The following KLF12 variants were observed in gnomAD, a reference collection of about 807,000 sequenced individuals.
KLF12 encodes the protein KLF transcription factor 12, also known as Krueppel-like factor 12.
Under a neutral mutation model 37.8 loss-of-function variants are expected in KLF12, and 9 were observed. That is an observed-to-expected ratio of 0.24 (90% CI 0.14 to 0.42). The LOEUF (loss-of-function observed/expected upper bound fraction) is 0.42. Among genes scored for constraint, KLF12 ranks in the 10% least tolerant of loss-of-function variants. KLF12 has a pLI of 1.00. For missense variants in KLF12, 411 were observed against 516.0 expected (o/e 0.80, Z 1.97); for synonymous variants, 208 against 202.1 (o/e 1.03, Z -0.25).
At chr13:74,134,814 A>G (rs1214867883), upstream of KLF12, among the ~76,000 whole-genome samples, 1 of 151,818 alleles carries the variant, frequency 6.6e-6, no homozygotes, top group Non-Finnish European at 1.5e-5. Context: ...AAAAGCGTGC[A>G]GCCCGCTTGG....
At chr13:73,878,609 T>A (rs1886828223) in intron 3 of KLF12, among the ~76,000 whole-genome samples, 2 of 152,144 alleles carry the variant, frequency 1.3e-5, no homozygotes, top group African/African-American at 4.8e-5. Flanking sequence ...ACTTCTCTAG[T>A]GACATAAGAT....
intron 2 of KLF12, chr13:73,962,140 T>C (rs1593785872): frequency 2.8e-6 from 1 of 352,236 alleles, no homozygotes; most frequent in South Asian, 2.3e-5. Flanking sequence ...TAATCAGCAA[T>C]AGAAAGAAAT....
At chr13:73,995,150 C>T (rs1283794487) in intron 1 of KLF12, 97 bp from the exon 2 acceptor site, 15 of 752,520 alleles carry the variant, frequency 2.0e-5, no homozygotes, top group Non-Finnish European at 3.4e-5. Context: ...TTCTACAGTT[C>T]CTTAAGCTCG....
the KLF12 span, among the ~76,000 whole-genome samples, chr13:74,150,787 G>C: frequency 0.012 from 1,839 of 152,212 alleles, 46 homozygotes; most frequent in African/African-American, 0.042. Flanking sequence ...AGGGACACAA[G>C]GGGGGCAGAG....
At chr13:74,196,036 G>A in the KLF12 span, among the ~76,000 whole-genome samples, 1 of 152,178 alleles carries the variant, frequency 6.6e-6, no homozygotes, top group Admixed American at 6.5e-5. Flanking sequence ...TGTTACTCTT[G>A]ATATGCATGC....
the KLF12 span, among the ~76,000 whole-genome samples, chr13:74,181,439 T>C: frequency 6.7e-6 from 1 of 149,912 alleles, no homozygotes; most frequent in African/African-American, 2.4e-5. Context: ...TCCCAACACT[T>C]TGGGAGGCGG....
intron 3 of KLF12, among the ~76,000 whole-genome samples, chr13:73,913,384 C>G (rs774752051): frequency 6.6e-6 from 1 of 152,210 alleles, no homozygotes; most frequent in Non-Finnish European, 1.5e-5. Context: ...GCTACAGGAA[C>G]GAGGGCTAGT....
the KLF12 span, among the ~76,000 whole-genome samples, chr13:74,262,859 A>ATG: frequency 6.6e-6 from 1 of 152,178 alleles, no homozygotes; most frequent in African/African-American, 2.4e-5. Flanking sequence ...ACACATATAT[A>ATG]TATGTATATA....
chr13:74,149,837 T>C, the KLF12 span, among the ~76,000 whole-genome samples: 1 of 152,168 alleles, frequency 6.6e-6, no homozygotes. Context: ...GGCCTCCTTG[T>C]TGTTCTGAAC....
chr13:74,098,474 T>C (rs1876111240), intron 1 of KLF12, among the ~76,000 whole-genome samples: 2 of 152,214 alleles, frequency 1.3e-5, no homozygotes, highest in African/African-American at 4.8e-5. Flanking sequence ...TTCAGGTTCC[T>C]ACCTCTACAG....
chr13:74,257,791 G>C, the KLF12 span: 2 of 152,118 alleles, frequency 1.3e-5, no homozygotes, highest in East Asian at 1.9e-4. Context: ...GGGCAACATT[G>C]GTTGTCTTTG....
In KLF12 at chr13:73,806,950, A is replaced by G. The variant is rs531887963; in HGVS notation, c.806+6202T>C. Among the ~76,000 whole-genome samples the G allele has an allele frequency of 1.3e-4, 20 of 152,136 alleles. 1 individual carries two copies. Among genetic ancestry groups the G allele is most frequent in the Non-Finnish European group, 1.2e-4 (8 of 68,036 alleles). ...GTGCAAGGAGTTTAAAACAAGAAAA[A>G]TAAATAACAAAAAAAAACCCTTAGA... On this transcript the variant is annotated intron_variant, in intron 5 of 7. Transcript: ENST00000377669.
chr13:74,180,222 G>A, the KLF12 span, among the ~76,000 whole-genome samples: 2 of 152,142 alleles, frequency 1.3e-5, no homozygotes, highest in Admixed American at 1.3e-4. Context: ...TAGACAAAAA[G>A]CCTTAACAAA....
At chr13:74,041,640 G>A (rs1474007369) in intron 1 of KLF12, among the ~76,000 whole-genome samples, 1 of 150,878 alleles carries the variant, frequency 6.6e-6, no homozygotes, top group African/African-American at 2.4e-5. Flanking sequence ...CGTAATGAAA[G>A]AGAAATTAAA....
chr13:74,174,842 G>A, the KLF12 span, among the ~76,000 whole-genome samples: 1 of 152,134 alleles, frequency 6.6e-6, no homozygotes, highest in African/African-American at 2.4e-5. Flanking sequence ...CTAGAATAAG[G>A]AACCAAATCT....
At chr13:73,966,409 A>G (rs1004409088) in intron 2 of KLF12, among the ~76,000 whole-genome samples, 3 of 152,208 alleles carry the variant, frequency 2.0e-5, no homozygotes, top group African/African-American at 4.8e-5. Context: ...AAGTTTAGAG[A>G]AAAAAATGCC....
rs1401418629 is a variant in KLF12 at position 73,687,350 on chromosome 13, A to G, written c.*8140T>C. The G allele has an allele frequency of 1.3e-5, 2 of 152,682 alleles. No homozygotes were observed. The highest frequency in any genetic ancestry group is 2.9e-5 in the Non-Finnish European group (2 of 68,046). The allele number at this position is 152,682 out of a possible 1,614,324, so 9.5% of individuals were successfully genotyped here. On this transcript the variant is annotated 3_prime_UTR_variant, in exon 8 of 8. Transcript: ENST00000377669. ...TACAGTCACTACCCCACAGGGGGAC[A>G]GTGATTTTTCAAAATGAAGCTTTAA... is the stretch of plus-strand genomic sequence containing the variant.
intron 3 of KLF12, among the ~76,000 whole-genome samples, chr13:73,939,681 C>A (rs1165414600): frequency 6.6e-6 from 1 of 152,214 alleles, no homozygotes; most frequent in East Asian, 1.9e-4. Context: ...TCAGTACCCA[C>A]CAAAGGCAGG....
chr13:73,941,848 A>G (rs1237998437), intron 3 of KLF12, among the ~76,000 whole-genome samples: 1 of 149,188 alleles, frequency 6.7e-6, no homozygotes, highest in African/African-American at 2.5e-5. Flanking sequence ...AACCCAAAGG[A>G]AAAAAAAAAG....
Sources: allele counts gnomAD v4.1 joint callset (sites outside exome capture counted in the v4.1 genomes callset), GRCh38; gene constraint gnomAD v4.1.1; transcripts MANE v1.5; gene names NCBI Gene and HGNC (gene_info 2026-07-23, HGNC 2026-07-21).